Variants in DPP6 observed in about 807,000 individuals in gnomAD.
DPP6 encodes the protein dipeptidyl peptidase like 6.
A neutral mutation model predicts 122.6 loss-of-function variants in DPP6; 69 were observed. The observed-to-expected ratio is 0.56, with a 90% CI of 0.46 to 0.69. DPP6 has a LOEUF of 0.69. Among genes scored for constraint, DPP6 ranks in the 30% least tolerant of loss-of-function variants. DPP6 has a pLI of 0.00. For missense variants in DPP6, 928 were observed against 1,116.9 expected (o/e 0.83, Z 2.41); for synonymous variants, 418 against 433.1 (o/e 0.97, Z 0.43).
chr7:154,188,013 A>G (rs1411890175), intron 1 of DPP6, among the ~76,000 whole-genome samples: 3 of 152,124 alleles, frequency 2.0e-5, no homozygotes, highest in Admixed American at 6.5e-5. Flanking sequence ...TGGCTCCAAC[A>G]TTCCGTACCT....
intron 8 of DPP6, among the ~76,000 whole-genome samples, chr7:154,763,160 C>T (rs868214717): frequency 6.6e-5 from 10 of 152,114 alleles, no homozygotes; most frequent in Non-Finnish European, 1.2e-4. Context: ...GGTGAAACCC[C>T]GTCTCTACTA....
chr7:154,664,966 ATTCTACCAATTT>A (rs1052892435), intron 6 of DPP6, among the ~76,000 whole-genome samples: 10 of 152,138 alleles, frequency 6.6e-5, no homozygotes, highest in African/African-American at 2.4e-4. Context: ...CCTCATTTGA[ATTCTACCAATTT>A]TTCTACCAAT....
At chr7:153,888,579 A>G (rs1473204847) in intron 1 of DPP6, among the ~76,000 whole-genome samples, 2 of 152,158 alleles carry the variant, frequency 1.3e-5, no homozygotes, top group African/African-American at 4.8e-5. Flanking sequence ...TCTGGCGAGG[A>G]CGAGAGAGTT....
At chr7:153,931,849 T>G (rs1165247555) in intron 1 of DPP6, among the ~76,000 whole-genome samples, 1 of 152,216 alleles carries the variant, frequency 6.6e-6, no homozygotes, top group East Asian at 1.9e-4. Flanking sequence ...TTTTTCAGCT[T>G]TTGGTGCCTT....
At chr7:154,805,613 G>A (rs776694840) in intron 15 of DPP6, among the ~76,000 whole-genome samples, 12 of 152,340 alleles carry the variant, frequency 7.9e-5, no homozygotes, top group African/African-American at 1.7e-4. Context: ...CCAACTGTGC[G>A]ACTTTGGACA....
At chr7:154,027,897 A>G (rs1450006027) in intron 1 of DPP6, among the ~76,000 whole-genome samples, 1 of 151,444 alleles carries the variant, frequency 6.6e-6, no homozygotes, top group African/African-American at 2.4e-5. Context: ...CATGAGCCCA[A>G]ATGTTTTTCC....
At chr7:153,812,899 G>C in the DPP6 span, among the ~76,000 whole-genome samples, 1 of 151,926 alleles carries the variant, frequency 6.6e-6, no homozygotes, top group Non-Finnish European at 1.5e-5. Flanking sequence ...CCAAAACAAA[G>C]ATTTATTTTA....
At chr7:154,296,236 G>A (rs1485003595) in intron 1 of DPP6, among the ~76,000 whole-genome samples, 6 of 152,112 alleles carry the variant, frequency 3.9e-5, no homozygotes, top group South Asian at 4.1e-4. Flanking sequence ...GAGCCACCGC[G>A]CCCGGCTGCC....
At chr7:153,830,091 TG>T in the DPP6 span, among the ~76,000 whole-genome samples, 11 of 152,228 alleles carry the variant, frequency 7.2e-5, no homozygotes, top group African/African-American at 2.7e-4. Flanking sequence ...AAAACAAATT[TG>T]GGCTCAACAA....
At chr7:154,563,147 GTGACT>G (rs1830534635) in intron 4 of DPP6, among the ~76,000 whole-genome samples, 1 of 152,206 alleles carries the variant, frequency 6.6e-6, no homozygotes, top group Non-Finnish European at 1.5e-5. Context: ...CACTTAGAAG[GTGACT>G]TGAGATAAAA....
chr7:154,112,015 A>G (rs1174182128), intron 1 of DPP6, among the ~76,000 whole-genome samples: 1 of 152,160 alleles, frequency 6.6e-6, no homozygotes, highest in Non-Finnish European at 1.5e-5. Flanking sequence ...ATATTTTCCA[A>G]TTTGCCCTCC....
intron 2 of DPP6, among the ~76,000 whole-genome samples, chr7:154,449,985 G>C (rs919560221): frequency 6.6e-6 from 1 of 150,768 alleles, no homozygotes; most frequent in African/African-American, 2.4e-5. Context: ...TTCCAGCCTG[G>C]GTGACAGAGC....
intron 1 of DPP6, among the ~76,000 whole-genome samples, chr7:154,004,015 A>G (rs1797797901): frequency 6.6e-6 from 1 of 152,190 alleles, no homozygotes; most frequent in African/African-American, 2.4e-5. Flanking sequence ...AGTGCAATTA[A>G]CATGCTTAGA....
chr7:154,788,443 C>CA (rs11364637), intron 10 of DPP6, among the ~76,000 whole-genome samples: 199 of 111,990 alleles, frequency 1.8e-3, no homozygotes, highest in Middle Eastern at 6.0e-3. Flanking sequence ...GACTCTGCCT[C>CA]AAAAAAAAAA....
At chr7:154,657,936 A>G (rs921461795) in intron 6 of DPP6, among the ~76,000 whole-genome samples, 2 of 152,216 alleles carry the variant, frequency 1.3e-5, no homozygotes, top group African/African-American at 4.8e-5. Context: ...CCAACCTGAA[A>G]GGCTACACTT....
the DPP6 span, among the ~76,000 whole-genome samples, chr7:153,791,536 C>T: frequency 1.4e-5 from 2 of 147,824 alleles, no homozygotes; most frequent in African/African-American, 5.0e-5. Flanking sequence ...ATTCTCCTGC[C>T]TCAGCCTCCC....
At chr7:154,178,718 C>A (rs936249431) in intron 1 of DPP6, among the ~76,000 whole-genome samples, 1 of 152,200 alleles carries the variant, frequency 6.6e-6, no homozygotes, top group Non-Finnish European at 1.5e-5. Flanking sequence ...AACATCCCTG[C>A]TCAGAGATGA....
intron 16 of DPP6, among the ~76,000 whole-genome samples, chr7:154,829,001 G>A (rs1415696887): frequency 6.6e-6 from 1 of 152,068 alleles, no homozygotes; most frequent in Non-Finnish European, 1.5e-5. Flanking sequence ...GCAGATAATT[G>A]TATTTTGAAA....
At chr7:154,345,464 A>G (rs1036714913) in intron 1 of DPP6, among the ~76,000 whole-genome samples, 2 of 152,138 alleles carry the variant, frequency 1.3e-5, no homozygotes, top group African/African-American at 4.8e-5. Context: ...TGCAATTCTT[A>G]TTTGCAGTCC....
Sources: allele counts gnomAD v4.1 joint callset (sites outside exome capture counted in the v4.1 genomes callset), GRCh38; gene constraint gnomAD v4.1.1; transcripts MANE v1.5; gene names NCBI Gene and HGNC (gene_info 2026-07-23, HGNC 2026-07-21).